ADGRG6: variants seen among roughly 807,000 people sequenced by gnomAD.
ADGRG6 encodes G-protein coupled receptor 126.
A neutral mutation model predicts 142.4 loss-of-function variants in ADGRG6; 84 were observed. The ratio of observed to expected loss-of-function variants is 0.59; its 90% CI spans 0.49 to 0.71. The LOEUF (loss-of-function observed/expected upper bound fraction) is 0.71, where lower values mean the gene tolerates loss of function less well. ADGRG6 is among the 30% of genes least tolerant of loss of function. ADGRG6 has a pLI of 0.00. For synonymous variants in ADGRG6, 521 were observed against 520.5 expected (o/e 1.00, Z -0.01); for missense variants, 1,367 against 1,466.6 (o/e 0.93, Z 1.11).
At chr6:142,419,388 G>A (rs1476226982) in intron 21 of ADGRG6, among the ~76,000 whole-genome samples, 1 of 152,088 alleles carries the variant, frequency 6.6e-6, no homozygotes, top group African/African-American at 2.4e-5. Flanking sequence ...AAAATCCTTT[G>A]GCAGACTTCT....
chr6:142,433,493 G>A (rs1376750775), intron 22 of ADGRG6, among the ~76,000 whole-genome samples: 1 of 152,200 alleles, frequency 6.6e-6, no homozygotes, highest in Admixed American at 6.5e-5. Context: ...GTGTGAGGAT[G>A]AAATCCTAAC....
chr6:142,360,213 T>A (rs569526209), intron 2 of ADGRG6, among the ~76,000 whole-genome samples: 1 of 152,258 alleles, frequency 6.6e-6, no homozygotes, highest in African/African-American at 2.4e-5. Context: ...AACAAATTAT[T>A]TGAGGAATGA....
chr6:142,409,168 T>G (rs1304349747), intron 16 of ADGRG6, among the ~76,000 whole-genome samples: 1 of 152,188 alleles, frequency 6.6e-6, no homozygotes, highest in African/African-American at 2.4e-5. Flanking sequence ...ACCCATTCCC[T>G]GTTCTCTCCT....
chr6:142,317,288 C>A (rs1174355310), intron 2 of ADGRG6, among the ~76,000 whole-genome samples: 3 of 151,944 alleles, frequency 2.0e-5, no homozygotes, highest in African/African-American at 4.8e-5. Flanking sequence ...GAATTTTAAG[C>A]CTTTTCTGAT....
intron 23 of ADGRG6, 95 bp downstream of exon 23, chr6:142,437,630 G>A: frequency 1.8e-5 from 13 of 717,278 alleles, no homozygotes; most frequent in Non-Finnish European, 3.3e-5. Context: ...CCCAGTGGTA[G>A]CAAGCTATTG....
At chr6:142,335,141 G>A (rs760438011) in intron 2 of ADGRG6, among the ~76,000 whole-genome samples, 1 of 152,150 alleles carries the variant, frequency 6.6e-6, no homozygotes, top group African/African-American at 2.4e-5. Flanking sequence ...ACAGGTGATC[G>A]GAGGATAGTA....
intron 2 of ADGRG6, among the ~76,000 whole-genome samples, chr6:142,335,537 G>T (rs189909011): frequency 1.3e-5 from 2 of 152,242 alleles, no homozygotes; most frequent in Admixed American, 6.5e-5. Flanking sequence ...GCTTTGGAGG[G>T]CATCAGTGGG....
intron 2 of ADGRG6, among the ~76,000 whole-genome samples, chr6:142,336,858 G>T (rs1437720657): frequency 6.6e-6 from 1 of 152,196 alleles, no homozygotes; most frequent in East Asian, 1.9e-4. Flanking sequence ...ATGGCCCTGG[G>T]GCAATCTGTT....
intron 2 of ADGRG6, among the ~76,000 whole-genome samples, chr6:142,319,023 C>T (rs987048357): frequency 2.0e-5 from 3 of 152,082 alleles, no homozygotes; most frequent in Non-Finnish European, 4.4e-5. Flanking sequence ...TTGAGAGCTT[C>T]CCTAGGGTGG....
intron 6 of ADGRG6, among the ~76,000 whole-genome samples, chr6:142,386,076 A>G (rs1330945445): frequency 6.6e-6 from 1 of 152,166 alleles, no homozygotes; most frequent in East Asian, 1.9e-4. Context: ...AGAGGGGTTG[A>G]GTTTGCTTGA....
intron 10 of ADGRG6, among the ~76,000 whole-genome samples, chr6:142,399,305 T>A (rs1383361140): frequency 6.6e-6 from 1 of 152,170 alleles, no homozygotes; most frequent in Non-Finnish European, 1.5e-5. Context: ...ATTGGGTGGA[T>A]GTACACCGTT....
At chr6:142,305,081 A>G (rs1777417158) in intron 1 of ADGRG6, among the ~76,000 whole-genome samples, 1 of 152,238 alleles carries the variant, frequency 6.6e-6, no homozygotes, top group South Asian at 2.1e-4. Context: ...GAAAATATGT[A>G]TATTTGTAAT....
At chr6:142,347,485 T>A (rs766409422) in intron 2 of ADGRG6, among the ~76,000 whole-genome samples, 1 of 152,174 alleles carries the variant, frequency 6.6e-6, no homozygotes, top group Non-Finnish European at 1.5e-5. Flanking sequence ...ATTAGAAGAC[T>A]GAGATGAATC....
intron 2 of ADGRG6, among the ~76,000 whole-genome samples, chr6:142,345,968 A>C (rs982620056): frequency 1.3e-5 from 2 of 152,196 alleles, no homozygotes; most frequent in Non-Finnish European, 2.9e-5. Context: ...GCGAGTTTGC[A>C]TTTTTAAGGG....
intron 6 of ADGRG6, 132 bp from the exon 7 acceptor site, chr6:142,390,121 CTTATA>C: frequency 2.7e-6 from 1 of 367,008 alleles, no homozygotes; most frequent in South Asian, 1.0e-4. Flanking sequence ...TTTCTTTTAA[CTTATA>C]TTGTAAATTA....
intron 7 of ADGRG6, 58 bp downstream of exon 7, chr6:142,390,401 GA>G (rs1010792917): frequency 1.5e-5 from 14 of 907,310 alleles, no homozygotes; most frequent in Non-Finnish European, 2.0e-5. Context: ...TGGGAATCTG[GA>G]AAAGACTAGT....
At chr6:142,377,699 C>T (rs1781568498) in intron 4 of ADGRG6, among the ~76,000 whole-genome samples, 1 of 152,160 alleles carries the variant, frequency 6.6e-6, no homozygotes, top group Non-Finnish European at 1.5e-5. Flanking sequence ...TCTTTCTTAA[C>T]AACCTCCTGA....
intron 2 of ADGRG6, among the ~76,000 whole-genome samples, chr6:142,325,216 C>T (rs1370511593): frequency 2.6e-5 from 4 of 152,116 alleles, no homozygotes; most frequent in Non-Finnish European, 4.4e-5. Flanking sequence ...ATGAAGTTTA[C>T]ATCTTCCTGT....
intron 4 of ADGRG6, 121 bp downstream of exon 4, chr6:142,370,914 A>C: frequency 1.1e-6 from 1 of 888,164 alleles, no homozygotes; most frequent in Non-Finnish European, 1.7e-6. Context: ...ACATATAGAC[A>C]TATATATATA....
Sources: gnomAD v4.1 joint callset for allele counts (sites outside exome capture counted in the v4.1 genomes callset) on GRCh38, gnomAD v4.1.1 for gene constraint, MANE v1.5 for transcripts, NCBI Gene and HGNC (gene_info 2026-07-23, HGNC 2026-07-21) for gene names.